The following ENOX1 variants were observed in gnomAD, a reference collection of about 807,000 sequenced individuals.
ENOX1 encodes candidate growth-related and time keeping constitutive hydroquinone (NADH) oxidase.
ENOX1 carries 42 observed loss-of-function variants against 82.5 expected under a neutral mutation model. The ratio of observed to expected loss-of-function variants is 0.51; its 90% confidence interval spans 0.40 to 0.66. ENOX1 has a LOEUF of 0.66. Among genes scored for constraint, ENOX1 ranks in the 30% least tolerant of loss-of-function variants. The probability of loss-of-function intolerance (pLI) is 0.00; values close to 1 mark genes in which losing one functional copy is unlikely to be tolerated. For missense variants in ENOX1, 608 were observed against 811.6 expected (o/e 0.75, Z 3.05); for synonymous variants, 271 against 282.2 (o/e 0.96, Z 0.40).
chr13:43,695,508 C>T (rs1008300733), intron 1 of ENOX1, among the ~76,000 whole-genome samples: 19 of 142,112 alleles, frequency 1.3e-4, no homozygotes, highest in Admixed American at 8.0e-4. Context: ...AGTGCAGTGG[C>T]GTGATCTCAG....
At chr13:43,620,694 G>A (rs995475952) in intron 2 of ENOX1, among the ~76,000 whole-genome samples, 2 of 152,118 alleles carry the variant, frequency 1.3e-5, no homozygotes, top group African/African-American at 4.8e-5. Flanking sequence ...AAAGTTCCAT[G>A]CACTGTTGAA....
At chr13:43,656,444 G>T (rs35621619) in intron 2 of ENOX1, among the ~76,000 whole-genome samples, 1,782 of 152,198 alleles carry the variant, frequency 0.012, 20 homozygotes, top group Non-Finnish European at 0.014. Flanking sequence ...ATTCTGAGTG[G>T]TTTAACATCA....
intron 1 of ENOX1, among the ~76,000 whole-genome samples, chr13:43,684,993 A>G (rs896606893): frequency 6.6e-6 from 1 of 152,208 alleles, no homozygotes; most frequent in Non-Finnish European, 1.5e-5. Context: ...TAGAACTGCT[A>G]GTTTTTAGAA....
chr13:43,664,979 C>T (rs2084909162), intron 2 of ENOX1, among the ~76,000 whole-genome samples: 1 of 152,222 alleles, frequency 6.6e-6, no homozygotes, highest in Non-Finnish European at 1.5e-5. Flanking sequence ...GCCCCACCCC[C>T]AGGAACACAA....
At chr13:43,454,679 T>C (rs1233341808) in intron 3 of ENOX1, among the ~76,000 whole-genome samples, 1 of 152,166 alleles carries the variant, frequency 6.6e-6, no homozygotes, top group Admixed American at 6.5e-5. Context: ...GACCATGTAA[T>C]ATTGTTTACT....
rs184672707 is a variant in ENOX1 at position 43,370,284 on chromosome 13, A to G, written c.209-8832T>C. Among the ~76,000 whole-genome samples the G allele has an allele frequency of 2.3e-4, 35 of 152,052 alleles. 1 individual carries two copies. The highest frequency in any genetic ancestry group is 5.9e-4 in the Admixed American group (9 of 15,286). On this transcript the variant is annotated intron_variant, in intron 5 of 16. Transcript: ENST00000690772. The stretch of plus-strand genomic sequence containing the variant: ...CGGGAGGCTGAGGCAGGAGAATGGC[A>G]TGAACCTGGGAGGCGGAGCTTGTAG...
At chr13:43,312,320 C>T (rs901955908) in intron 11 of ENOX1, among the ~76,000 whole-genome samples, 2 of 152,162 alleles carry the variant, frequency 1.3e-5, no homozygotes, top group South Asian at 2.1e-4. Flanking sequence ...AGAAAAGCCT[C>T]GGGAATAGAG....
chr13:43,642,637 C>G (rs2153768192), intron 2 of ENOX1, among the ~76,000 whole-genome samples: 1 of 152,238 alleles, frequency 6.6e-6, no homozygotes, highest in East Asian at 1.9e-4. Context: ...CCAATTTGCC[C>G]CAATGTTCAA....
intron 2 of ENOX1, among the ~76,000 whole-genome samples, chr13:43,525,649 G>T (rs907798903): frequency 3.3e-5 from 5 of 151,682 alleles, no homozygotes; most frequent in Admixed American, 6.6e-5. Flanking sequence ...CACTTATTTG[G>T]TTTTTTTTGA....
chr13:43,353,460 G>A (rs1441702731), intron 8 of ENOX1, among the ~76,000 whole-genome samples: 2 of 152,198 alleles, frequency 1.3e-5, no homozygotes, highest in Admixed American at 1.3e-4. Flanking sequence ...TTTTCAGATT[G>A]CATTTCCATT....
chr13:43,492,634 C>G (rs995595557), intron 2 of ENOX1, among the ~76,000 whole-genome samples: 2 of 152,106 alleles, frequency 1.3e-5, no homozygotes, highest in African/African-American at 2.4e-5. Flanking sequence ...CATTGCAAAC[C>G]GGTCAAATAA....
chr13:43,390,908 A>G (rs758395268), intron 5 of ENOX1, among the ~76,000 whole-genome samples: 1 of 152,186 alleles, frequency 6.6e-6, no homozygotes, highest in Admixed American at 6.5e-5. Flanking sequence ...TAAAAACAAA[A>G]TGAAAAAAGC....
chr13:43,291,715 C>G (rs1222011562), intron 12 of ENOX1, among the ~76,000 whole-genome samples: 1 of 152,124 alleles, frequency 6.6e-6, no homozygotes, highest in Non-Finnish European at 1.5e-5. Flanking sequence ...AGGTAAAGGC[C>G]CCCGAAACAG....
At chr13:43,669,078 C>A (rs367821270) in intron 1 of ENOX1, among the ~76,000 whole-genome samples, 2 of 152,184 alleles carry the variant, frequency 1.3e-5, no homozygotes, top group African/African-American at 4.8e-5. Context: ...ACTCAGAAGT[C>A]GGCTGCAAAC....
chr13:43,529,861 G>C (rs1052913867), intron 2 of ENOX1, among the ~76,000 whole-genome samples: 8 of 151,840 alleles, frequency 5.3e-5, no homozygotes, highest in African/African-American at 1.9e-4. Flanking sequence ...ACTGTCTCTA[G>C]GCCCCAATTA....
chr13:43,574,273 C>T (rs543726944), intron 2 of ENOX1, among the ~76,000 whole-genome samples: 2 of 152,134 alleles, frequency 1.3e-5, no homozygotes, highest in African/African-American at 4.8e-5. Context: ...AGAGGCCACG[C>T]GAAGGACTTT....
intron 3 of ENOX1, among the ~76,000 whole-genome samples, chr13:43,427,155 A>T (rs2055359175): frequency 6.6e-6 from 1 of 152,184 alleles, no homozygotes; most frequent in East Asian, 1.9e-4. Context: ...TAATGAGTTC[A>T]AACAAAGCTA....
chr13:43,296,821 T>C (rs2046309776), intron 12 of ENOX1, among the ~76,000 whole-genome samples: 1 of 152,176 alleles, frequency 6.6e-6, no homozygotes, highest in South Asian at 2.1e-4. Context: ...TAATCTTTTC[T>C]AGAGGGAGAA....
At chr13:43,447,071 C>A (rs1324820828) in intron 3 of ENOX1, among the ~76,000 whole-genome samples, 2 of 152,202 alleles carry the variant, frequency 1.3e-5, no homozygotes, top group African/African-American at 4.8e-5. Flanking sequence ...TAGAATATTT[C>A]TTGAACACCT....
Sources: gnomAD v4.1 joint callset for allele counts (sites outside exome capture counted in the v4.1 genomes callset) on GRCh38, gnomAD v4.1.1 for gene constraint, MANE v1.5 for transcripts, NCBI Gene and HGNC (gene_info 2026-07-23, HGNC 2026-07-21) for gene names.